GPATCH8: variants seen among roughly 807,000 people sequenced by gnomAD.
GPATCH8 encodes G patch domain-containing protein 8.
A neutral mutation model predicts 118.3 loss-of-function variants in GPATCH8; 18 were observed. The observed-to-expected ratio is 0.15, with a 90% CI of 0.11 to 0.23. GPATCH8 has a LOEUF of 0.23. GPATCH8 is among the 10% of genes least tolerant of loss of function. GPATCH8 has a pLI of 1.00. For synonymous variants in GPATCH8, 659 were observed against 684.7 expected, an observed-to-expected ratio of 0.96 and a Z score of 0.59; for missense variants, 1,631 against 1,873.8, an observed-to-expected ratio of 0.87 and a Z score of 2.39.
Position 44,396,926 on chromosome 17 carries a change from G to T in GPATCH8, c.*642C>A, listed in dbSNP as rs749284246. On this transcript the variant is annotated 3_prime_UTR_variant, in exon 8 of 8. Transcript: ENST00000591680. ...TGGGATATGGAGATGCCTCTTCTGG[G>T]ATGAGGGATACCAAGATAACAGTGC... is the stretch of plus-strand genomic sequence containing the variant. 2.2e-5 allele frequency: 10 copies of T among 453,990 alleles called. No individual in the cohort carries two copies. The highest frequency in any genetic ancestry group is 4.4e-5 in the Non-Finnish European group (10 of 226,804). 28.1% of individuals were successfully genotyped at this position (453,990 alleles called of 1,614,324 possible).
At position 44,399,487 on chromosome 17, in the gene GPATCH8, G is replaced by C. The variant is rs754932174; in HGVS notation, c.2590C>G (p.Arg864Gly). Residue 864 changes from arginine to glycine, a missense_variant, in exon 8 of 8, where the codon CGT becomes GGT. Coordinates refer to ENST00000591680, the MANE Select transcript of GPATCH8 (RefSeq NM_001002909.4). ...CTTGAGTAAGAACGCCGGGAGGAAC[G>C]ATGCGAGGAATGGCGCCGGCCAGAC... ...SRSGRRHSSH[R>G]SSRRSYSSSS... is the part of the protein sequence containing the mutation. 7 of 1,614,034 alleles carry C rather than the reference G, an allele frequency of 4.3e-6. No homozygotes were observed. In the Admixed American group the frequency reaches 8.3e-5, roughly 19 times the overall value.
intron 6 of GPATCH8, among the ~76,000 whole-genome samples, chr17:44,406,992 T>C (rs1462597855): frequency 6.6e-6 from 1 of 152,102 alleles, no homozygotes; most frequent in Non-Finnish European, 1.5e-5. Flanking sequence ...AAACGAAACA[T>C]ATACATTAAC....
chr17:44,502,275 G>A (rs372132572), intron 1 of GPATCH8, among the ~76,000 whole-genome samples: 17 of 151,884 alleles, frequency 1.1e-4, no homozygotes, highest in East Asian at 9.6e-4. Flanking sequence ...CTTTGAGTAG[G>A]ATCTGCAGCG....
intron 7 of GPATCH8, among the ~76,000 whole-genome samples, chr17:44,405,427 C>T (rs1159876653): frequency 6.6e-6 from 1 of 151,888 alleles, no homozygotes; most frequent in Admixed American, 6.6e-5. Flanking sequence ...AGGCTGGTCT[C>T]GAACTCCCAA....
intron 3 of GPATCH8, among the ~76,000 whole-genome samples, chr17:44,441,759 T>C (rs2144089813): frequency 6.7e-6 from 1 of 149,540 alleles, no homozygotes; most frequent in African/African-American, 2.5e-5. Context: ...CCGGGCACGG[T>C]GGCTCAGGCC....
intron 1 of GPATCH8, among the ~76,000 whole-genome samples, chr17:44,483,571 A>AT (rs961730593): frequency 6.6e-6 from 1 of 151,350 alleles, no homozygotes. Flanking sequence ...TTTTAACTGC[A>AT]TTTTTTTCTT....
intron 3 of GPATCH8, among the ~76,000 whole-genome samples, chr17:44,442,418 C>T (rs2050734357): frequency 6.6e-6 from 1 of 152,028 alleles, no homozygotes; most frequent in Non-Finnish European, 1.5e-5. Context: ...TCTTTAAAGA[C>T]GACCTTAATG....
intron 6 of GPATCH8, among the ~76,000 whole-genome samples, chr17:44,414,125 ATGTG>A (rs374629172): frequency 5.7e-4 from 19 of 33,092 alleles, no homozygotes; most frequent in Non-Finnish European, 1.5e-3. Context: ...ATGTATATAT[ATGTG>A]TATATATATA....
At chr17:44,456,510 C>A (rs1204003607) in intron 3 of GPATCH8, among the ~76,000 whole-genome samples, 1 of 152,090 alleles carries the variant, frequency 6.6e-6, no homozygotes, top group African/African-American at 2.4e-5. Flanking sequence ...GAATTCAAAT[C>A]TAGTTTTCAG....
At chr17:44,403,122 C>T (rs2049089119) in intron 7 of GPATCH8, among the ~76,000 whole-genome samples, 1 of 152,158 alleles carries the variant, frequency 6.6e-6, no homozygotes, top group South Asian at 2.1e-4. Context: ...ATTGCCCAGG[C>T]TGGAGTACAG....
At chr17:44,497,230 T>C (rs1439632539) in intron 1 of GPATCH8, among the ~76,000 whole-genome samples, 1 of 152,204 alleles carries the variant, frequency 6.6e-6, no homozygotes, top group Non-Finnish European at 1.5e-5. Context: ...AGAGCAAAAA[T>C]GAAAACTTTA....
chr17:44,444,020 T>C (rs2050788185), intron 3 of GPATCH8, among the ~76,000 whole-genome samples: 1 of 152,186 alleles, frequency 6.6e-6, no homozygotes, highest in Admixed American at 6.5e-5. Context: ...ACAAGTTTAA[T>C]TATGACCTAA....
At chr17:44,462,871 C>CT (rs1290475471) in intron 3 of GPATCH8, among the ~76,000 whole-genome samples, 8 of 152,002 alleles carry the variant, frequency 5.3e-5, no homozygotes, top group Admixed American at 5.2e-4. Context: ...GTCCCAGCTA[C>CT]TTGGGAGGCT....
At chr17:44,501,941 T>C (rs1156469208) in intron 1 of GPATCH8, among the ~76,000 whole-genome samples, 1 of 152,070 alleles carries the variant, frequency 6.6e-6, no homozygotes, top group Non-Finnish European at 1.5e-5. Flanking sequence ...TGTGTGTATA[T>C]ATATATATTT....
At chr17:44,499,498 G>A (rs1969904445) in intron 1 of GPATCH8, among the ~76,000 whole-genome samples, 1 of 152,104 alleles carries the variant, frequency 6.6e-6, no homozygotes, top group South Asian at 2.1e-4. Flanking sequence ...ATAAAATGCA[G>A]AGAACACTCG....
At position 44,435,170 on chromosome 17, in the gene GPATCH8, G is replaced by C; in HGVS notation, c.262-19C>G. 1 of 1,159,864 alleles carries C rather than the reference G, an allele frequency of 8.6e-7. No homozygotes were observed. The highest frequency in any genetic ancestry group is 1.3e-6 in the Non-Finnish European group (1 of 765,178). The allele number at this position is 1,159,864 out of a possible 1,614,324, so 71.8% of individuals were successfully genotyped here. A position where few individuals can be genotyped will look rare whatever the true frequency, so the allele number is the denominator to read the frequency against. On this transcript the variant is annotated intron_variant, in intron 4 of 7. Transcript: ENST00000591680. ...AATCAAGCTTGACAAAAATAGATAT[G>C]ATTAGATTTAATTCCTAAAGTACCC...
At chr17:44,426,329 G>A (rs1186909483) in intron 5 of GPATCH8, among the ~76,000 whole-genome samples, 1 of 152,184 alleles carries the variant, frequency 6.6e-6, no homozygotes, top group African/African-American at 2.4e-5. Context: ...GAGGCCAGGT[G>A]CGGTGGCTCA....
chr17:44,464,584 A>G (rs1177308404), intron 2 of GPATCH8, 40 bp from the exon 3 acceptor site: 4 of 1,111,018 alleles, frequency 3.6e-6, no homozygotes, highest in South Asian at 1.2e-5. Context: ...AAATATTCCA[A>G]TAATATATTC....
chr17:44,439,196 T>C (rs1247511352), intron 3 of GPATCH8, among the ~76,000 whole-genome samples: 1 of 152,164 alleles, frequency 6.6e-6, no homozygotes, highest in Admixed American at 6.6e-5. Flanking sequence ...AATATATATA[T>C]AAAACAATTA....
Sources: gnomAD v4.1 joint callset for allele counts (sites outside exome capture counted in the v4.1 genomes callset) on GRCh38, gnomAD v4.1.1 for gene constraint, MANE v1.5 for transcripts, NCBI Gene and HGNC (gene_info 2026-07-23, HGNC 2026-07-21) for gene names.